TNKS: variants seen among roughly 807,000 people sequenced by gnomAD.
TNKS encodes poly [ADP-ribose] polymerase tankyrase-1.
A neutral mutation model predicts 135.8 loss-of-function variants in TNKS; 72 were observed. The observed-to-expected ratio is 0.53, with a 90% confidence interval of 0.44 to 0.64. TNKS has a LOEUF of 0.64. Ranked by LOEUF, TNKS falls within the 30% of genes least tolerant of loss-of-function variation. The pLI, the probability that TNKS is intolerant of heterozygous loss-of-function variation, is 0.00. For synonymous variants in TNKS, 849 were observed against 649.3 expected (o/e 1.31, Z -4.68); for missense variants, 1,769 against 1,674.0 (o/e 1.06, Z -0.99).
chr8:9,703,734 C>A (rs1803925987), intron 5 of TNKS, among the ~76,000 whole-genome samples: 2 of 151,930 alleles, frequency 1.3e-5, no homozygotes, highest in Admixed American at 1.3e-4. Flanking sequence ...ATCTCAAGAC[C>A]CCAAATAGAA....
In TNKS at chr8:9,778,738, T is replaced by A. The variant is rs1349356117; in HGVS notation, c.*2002T>A. ...AAAGGGTTGAAGAAATTGCCATCTG[T>A]GTAGTTTTCAGTAGCTGTCAAGTGT... On this transcript the variant is annotated 3_prime_UTR_variant, in exon 27 of 27. Coordinates refer to ENST00000310430, the MANE Select transcript of TNKS (RefSeq NM_003747.3). 6.6e-6 allele frequency: 1 copy of A among 152,438 alleles called. No homozygotes were observed. Among genetic ancestry groups the A allele is most frequent in the African/African-American group, 2.4e-5 (1 of 41,454 alleles). 9.4% of individuals were successfully genotyped at this position (152,438 alleles called of 1,614,324 possible).
At chr8:9,698,683 T>G (rs758297550) in intron 5 of TNKS, among the ~76,000 whole-genome samples, 1 of 152,220 alleles carries the variant, frequency 6.6e-6, no homozygotes, top group East Asian at 1.9e-4. Flanking sequence ...TGGACTTACG[T>G]TGAAGCCACA....
chr8:9,733,134 C>A, intron 14 of TNKS, 145 bp from the exon 15 acceptor site: 1 of 574,596 alleles, frequency 1.7e-6, no homozygotes, highest in Non-Finnish European at 2.8e-6. Flanking sequence ...ATAACTATAT[C>A]TTAAAGAACA....
At chr8:9,633,195 AGAG>A (rs1385440120) in intron 3 of TNKS, among the ~76,000 whole-genome samples, 1 of 152,222 alleles carries the variant, frequency 6.6e-6, no homozygotes, top group African/African-American at 2.4e-5. Flanking sequence ...TAACCTTCTC[AGAG>A]GAGTTTAATT....
At chr8:9,573,820 A>G (rs1797847818) in intron 1 of TNKS, among the ~76,000 whole-genome samples, 1 of 152,226 alleles carries the variant, frequency 6.6e-6, no homozygotes, top group African/African-American at 2.4e-5. Flanking sequence ...TTTTGCTGCC[A>G]TAGATAAAAA....
At chr8:9,560,493 C>CTCTTTTTTTTTT (rs1797281030) in intron 1 of TNKS, among the ~76,000 whole-genome samples, 6 of 42,286 alleles carry the variant, frequency 1.4e-4, no homozygotes, top group African/African-American at 6.0e-4. Context: ...CCATACTTGT[C>CTCTTTTTTTTTT]TTTTTTTTTT....
intron 24 of TNKS, 42 bp from the exon 25 acceptor site, chr8:9,766,197 A>G: frequency 1.3e-6 from 2 of 1,549,958 alleles, no homozygotes; most frequent in East Asian, 2.3e-5. Context: ...GAGCTTCTAG[A>G]AAAGTGTTCA....
intron 8 of TNKS, among the ~76,000 whole-genome samples, chr8:9,707,535 T>G (rs1804107570): frequency 1.3e-5 from 2 of 152,222 alleles, no homozygotes; most frequent in Non-Finnish European, 2.9e-5. Context: ...ATGACCCAAG[T>G]ATAATCACTT....
At chr8:9,750,480 G>A (rs780223493) in intron 18 of TNKS, among the ~76,000 whole-genome samples, 10 of 152,128 alleles carry the variant, frequency 6.6e-5, no homozygotes, top group Non-Finnish European at 1.0e-4. Context: ...ATTTATTTAG[G>A]TTTACGTTCT....
chr8:9,635,969 A>G (rs1235059713), intron 3 of TNKS, among the ~76,000 whole-genome samples: 3 of 152,350 alleles, frequency 2.0e-5, no homozygotes. Flanking sequence ...CACATACTGT[A>G]TATTAGATGA....
At chr8:9,702,946 G>A (rs1169783168) in intron 5 of TNKS, among the ~76,000 whole-genome samples, 6 of 152,142 alleles carry the variant, frequency 3.9e-5, no homozygotes, top group African/African-American at 1.4e-4. Flanking sequence ...AACCCGGGAG[G>A]CGGAGGTGGC....
intron 6 of TNKS, among the ~76,000 whole-genome samples, chr8:9,705,924 A>G (rs915520104): frequency 6.6e-6 from 1 of 152,200 alleles, no homozygotes; most frequent in African/African-American, 2.4e-5. Context: ...GCATTTGTCA[A>G]TTAGCATATG....
At chr8:9,724,555 TTA>T (rs1805067479) in intron 12 of TNKS, among the ~76,000 whole-genome samples, 1 of 152,232 alleles carries the variant, frequency 6.6e-6, no homozygotes, top group African/African-American at 2.4e-5. Context: ...ATTTCATTTT[TTA>T]TATCTCTTTT....
intron 17 of TNKS, among the ~76,000 whole-genome samples, chr8:9,743,209 A>G (rs1806059307): frequency 6.6e-6 from 1 of 152,198 alleles, no homozygotes. Context: ...TTATAGAGCA[A>G]CTGTAGGTAT....
intron 1 of TNKS, chr8:9,575,485 G>T (rs1020090570): frequency 6.4e-6 from 6 of 936,168 alleles, no homozygotes; most frequent in African/African-American, 5.3e-5. Context: ...AAAAAGAAAA[G>T]ATAAGGAAAA....
chr8:9,736,596 A>G (rs1585396618), intron 17 of TNKS, among the ~76,000 whole-genome samples: 1 of 131,210 alleles, frequency 7.6e-6, no homozygotes, highest in South Asian at 2.7e-4. Context: ...TAAGGAAGGG[A>G]TCCAGTTTCA....
chr8:9,744,042 C>T (rs1475829070), intron 17 of TNKS, among the ~76,000 whole-genome samples: 1 of 152,126 alleles, frequency 6.6e-6, no homozygotes, highest in African/African-American at 2.4e-5. Flanking sequence ...TCAATCTGCT[C>T]TGTGTGTGTC....
intron 12 of TNKS, among the ~76,000 whole-genome samples, chr8:9,725,612 G>C (rs1036031927): frequency 6.6e-6 from 1 of 152,096 alleles, no homozygotes; most frequent in African/African-American, 2.4e-5. Flanking sequence ...AAGATTTTCA[G>C]CACTCACTTT....
At chr8:9,701,408 A>G (rs998097265) in intron 5 of TNKS, among the ~76,000 whole-genome samples, 5 of 151,884 alleles carry the variant, frequency 3.3e-5, no homozygotes, top group African/African-American at 1.2e-4. Context: ...GAAAGATGTG[A>G]CCCTTTTTAT....
Sources: allele counts gnomAD v4.1 joint callset (sites outside exome capture counted in the v4.1 genomes callset), GRCh38; gene constraint gnomAD v4.1.1; transcripts MANE v1.5; gene names NCBI Gene and HGNC (gene_info 2026-07-23, HGNC 2026-07-21).